The following SPON1 variants were observed in gnomAD, a reference collection of about 807,000 sequenced individuals.
SPON1 encodes the protein spondin 1.
In SPON1, 52 loss-of-function variants were observed where a neutral mutation model predicts 111.7. The observed-to-expected ratio is 0.47, with a 90% CI of 0.37 to 0.59. SPON1 has a LOEUF of 0.59. Ranked by LOEUF, SPON1 falls within the 20% of genes least tolerant of loss-of-function variation. SPON1 has a pLI of 0.00. For missense variants in SPON1, 957 were observed against 1,068.5 expected (o/e 0.90, Z 1.46); for synonymous variants, 410 against 395.8 (o/e 1.04, Z -0.43).
chr11:14,024,148 T>C lies in SPON1; in HGVS notation c.346-17373T>C, dbSNP rs73420279. Among the ~76,000 whole-genome samples the C allele has an allele frequency of 4.3e-3, 647 of 152,178 alleles. 4 individuals are homozygous for C. Among genetic ancestry groups the C allele is most frequent in the African/African-American group, 0.014 (592 of 41,510 alleles). ...TGCAGATGGACAGGTGCAGAGGTCA[T>C]GGGGAGCACTTTTGGGCTTCAACCC... On this transcript the variant is annotated intron_variant, in intron 2 of 15. Coordinates refer to ENST00000576479, the MANE Select transcript of SPON1 (RefSeq NM_006108.4).
intron 2 of SPON1, among the ~76,000 whole-genome samples, chr11:14,005,409 C>T (rs1431191007): frequency 2.0e-5 from 3 of 152,182 alleles, no homozygotes; most frequent in Middle Eastern, 3.2e-3. Flanking sequence ...TGTCCTGTAA[C>T]CTTTTCTGTC....
intron 14 of SPON1, 90 bp downstream of exon 14, chr11:14,260,842 T>C: frequency 1.5e-6 from 2 of 1,378,282 alleles, no homozygotes; most frequent in Non-Finnish European, 2.0e-6. Flanking sequence ...TGCTAGATCC[T>C]AGAATAACAT....
At chr11:14,114,736 G>C (rs1008503127) in intron 5 of SPON1, among the ~76,000 whole-genome samples, 8 of 152,056 alleles carry the variant, frequency 5.3e-5, no homozygotes, top group Non-Finnish European at 1.2e-4. Context: ...CTGCTCTGTG[G>C]CTATCCTATC....
intron 2 of SPON1, among the ~76,000 whole-genome samples, chr11:13,992,683 C>T (rs1848240512): frequency 1.3e-5 from 2 of 152,152 alleles, no homozygotes; most frequent in Non-Finnish European, 2.9e-5. Context: ...ACCCAGGGCC[C>T]TGGTTGGGTA....
chr11:14,192,246 G>GATATATATATAT (rs35202633), intron 6 of SPON1, among the ~76,000 whole-genome samples: 191 of 144,272 alleles, frequency 1.3e-3, no homozygotes, highest in African/African-American at 4.5e-3. Flanking sequence ...TATCATTAGG[G>GATATATATATAT]ATATATATAT....
At position 14,188,280 on chromosome 11, in the gene SPON1, G is replaced by A. The variant is rs534107153; in HGVS notation, c.825+52712G>A. ...TGCAAGCCAGTGAAGGTTTTAAGATGGTTATAAACATGAGGATAACATGAT... is the reference window on the plus strand; with the variant it reads ...TGCAAGCCAGTGAAGGTTTTAAGATAGTTATAAACATGAGGATAACATGAT... On this transcript the variant is annotated intron_variant, in intron 6 of 15. Coordinates refer to ENST00000576479, the MANE Select transcript of SPON1 (RefSeq NM_006108.4). 2.0e-5 allele frequency among the ~76,000 whole-genome samples: 3 copies of A among 152,140 alleles called. No individual in the cohort carries two copies. In the South Asian group the frequency reaches 6.2e-4, roughly 32 times the overall value.
rs1848952794 is a variant in SPON1 at position 14,243,464 on chromosome 11, G to A, written c.890+68G>A. ...CCCTTCTCAAAGCCACCTACCTAAT[G>A]GCCACCACATACCAGTTATGCTGTT... is the stretch of plus-strand genomic sequence containing the variant. On this transcript the variant is annotated intron_variant, in intron 7 of 15. Coordinates refer to ENST00000576479, the MANE Select transcript of SPON1 (RefSeq NM_006108.4). 4.7e-6 allele frequency: 6 copies of A among 1,277,926 alleles called. No homozygotes were observed. In the South Asian group the frequency reaches 7.6e-5, roughly 16 times the overall value. 79.2% of individuals were successfully genotyped at this position (1,277,926 alleles called of 1,614,324 possible).
chr11:14,191,804 C>T (rs547993836), intron 6 of SPON1, among the ~76,000 whole-genome samples: 7 of 152,306 alleles, frequency 4.6e-5, no homozygotes, highest in African/African-American at 1.2e-4. Context: ...AATGGTCAGA[C>T]AAGAGACAGT....
At chr11:14,216,622 A>C (rs1848629525) in intron 6 of SPON1, among the ~76,000 whole-genome samples, 2 of 152,192 alleles carry the variant, frequency 1.3e-5, no homozygotes, top group South Asian at 4.1e-4. Context: ...GGCAGAAGGC[A>C]GAAGGCAGAA....
chr11:14,173,295 G>A (rs12294351), intron 6 of SPON1, among the ~76,000 whole-genome samples: 2,035 of 152,212 alleles, frequency 0.013, 44 homozygotes, highest in African/African-American at 0.046. Context: ...TGGCTACTGA[G>A]GCTTGTGCAT....
At chr11:14,229,951 C>CCTGT (rs1848779427) in intron 6 of SPON1, among the ~76,000 whole-genome samples, 1 of 144,970 alleles carries the variant, frequency 6.9e-6, no homozygotes, top group African/African-American at 2.6e-5. Flanking sequence ...TCTGTGTGTC[C>CCTGT]GTGTGTGTGT....
chr11:14,042,607 T>C (rs1031612567), intron 3 of SPON1, among the ~76,000 whole-genome samples: 17 of 152,232 alleles, frequency 1.1e-4, no homozygotes, highest in Non-Finnish European at 2.1e-4. Flanking sequence ...GTCACTTTTT[T>C]TTAATGGAAG....
At chr11:14,029,936 A>C (rs539585588) in intron 2 of SPON1, among the ~76,000 whole-genome samples, 1 of 152,362 alleles carries the variant, frequency 6.6e-6, no homozygotes, top group East Asian at 1.9e-4. Flanking sequence ...AGAAAAGTTA[A>C]GGAACTTGCC....
In SPON1 at chr11:14,257,756, A is replaced by G. The variant is rs1298844659; in HGVS notation, c.1350A>G (p.Pro450=). 2.5e-6 allele frequency: 4 copies of G among 1,613,300 alleles called. No homozygotes were observed. The highest frequency in any genetic ancestry group is 3.4e-6 in the Non-Finnish European group (4 of 1,179,728). Residue 450 remains proline, a synonymous_variant, in exon 11 of 16, where the codon CCA becomes CCG. Transcript: ENST00000576479. ...CCTGCATCTACTCCAACTGGTCCCC[A>G]TGGTCCGCCTGCAGCTCCTCCACCT... is the stretch of plus-strand genomic sequence containing the variant. ...PETCIYSNWS[P]WSACSSSTCD... is the part of the protein sequence containing the mutation.
intron 2 of SPON1, among the ~76,000 whole-genome samples, chr11:14,020,472 C>T (rs11023052): frequency 0.3 from 45,310 of 152,040 alleles, 7,966 homozygotes; most frequent in South Asian, 0.5. Context: ...AGTTGGTAGG[C>T]GTGCAAATTA....
chr11:14,070,733 C>T (rs1848869002), intron 3 of SPON1, among the ~76,000 whole-genome samples: 1 of 152,120 alleles, frequency 6.6e-6, no homozygotes, highest in Admixed American at 6.6e-5. Flanking sequence ...CCTTTTAGCA[C>T]TAGACAGCAA....
At chr11:14,243,288 G>A (rs1427859203) in intron 6 of SPON1, 44 bp from the exon 7 acceptor site, 6 of 1,538,644 alleles carry the variant, frequency 3.9e-6, no homozygotes, top group Non-Finnish European at 5.3e-6. Flanking sequence ...TTGTTCCCAT[G>A]AGCCCAGCTC....
intron 2 of SPON1, among the ~76,000 whole-genome samples, chr11:14,037,599 C>T (rs1848604178): frequency 6.6e-6 from 1 of 150,528 alleles, no homozygotes; most frequent in African/African-American, 2.4e-5. Context: ...GATTACAGAC[C>T]TAAGTGTAAA....
Position 14,266,577 on chromosome 11 carries a change from T to C in SPON1, c.*890T>C, listed in dbSNP as rs781855762. The C allele has an allele frequency of 2.0e-5, 3 of 152,108 alleles. No homozygotes were observed. Among genetic ancestry groups the C allele is most frequent in the African/African-American group, 4.8e-5 (2 of 41,426 alleles). 9.4% of individuals were successfully genotyped at this position (152,108 alleles called of 1,614,324 possible). ...ATTTTAAAATCTTCCTACACACATCTAGACGTTCAAGTTTGCAAATCAGTT... is the reference window on the plus strand; with the variant it reads ...ATTTTAAAATCTTCCTACACACATCCAGACGTTCAAGTTTGCAAATCAGTT... On this transcript the variant is annotated 3_prime_UTR_variant, in exon 16 of 16. Transcript: ENST00000576479.
Sources: gnomAD v4.1 joint callset for allele counts (sites outside exome capture counted in the v4.1 genomes callset) on GRCh38, gnomAD v4.1.1 for gene constraint, MANE v1.5 for transcripts, NCBI Gene and HGNC (gene_info 2026-07-23, HGNC 2026-07-21) for gene names.